SYNE2: variants seen among roughly 807,000 people sequenced by gnomAD.
The protein encoded by SYNE2 is nesprin-2.
A neutral mutation model predicts 856.3 loss-of-function variants in SYNE2; 431 were observed. The ratio of observed to expected loss-of-function variants is 0.50; its 90% CI spans 0.47 to 0.55. The LOEUF (loss-of-function observed/expected upper bound fraction) is 0.55. SYNE2 is among the 20% of genes least tolerant of loss of function. SYNE2 has a pLI of 0.00. For missense variants in SYNE2, 8,129 were observed against 8,023.2 expected (o/e 1.01, Z -0.50); for synonymous variants, 2,923 against 2,872.3 (o/e 1.02, Z -0.56).
chr14:64,221,781 C>T (rs944316091), intron 112 of SYNE2, 77 bp downstream of exon 112: 64 of 1,547,844 alleles, frequency 4.1e-5, no homozygotes, highest in Middle Eastern at 4.3e-4. Flanking sequence ...CAGGTAGCCT[C>T]GCCTAGTATT....
Position 64,152,673 on chromosome 14 carries a change from G to A in SYNE2, c.15749G>A (p.Arg5250Gln), listed in dbSNP as rs201962497. 27 of 1,614,060 alleles carry A rather than the reference G, an allele frequency of 1.7e-5. No individual in the cohort carries two copies. Among genetic ancestry groups the A allele is most frequent in the African/African-American group, 6.7e-5 (5 of 75,044 alleles). The change falls in exon 85 of 116, where the codon CGA (arginine) becomes CAA (glutamine). Residue 5250 changes from arginine to glutamine, a missense_variant. This residue lies in a region of SYNE2 where 5,410 missense variants were observed against 5,284.8 expected (regional missense o/e 1.02). Coordinates refer to ENST00000555002, the MANE Select transcript of SYNE2 (RefSeq NM_182914.3). ...CCATTGTTAGAAGATACAGCATCCC[G>A]AATTGATGAGTTATTTCAAAAGAGA... ...AVPLLEDTAS[R>Q]IDELFQKRSS...
rs1470410195 is a variant in SYNE2 at position 64,020,098 on chromosome 14, G to T, written c.5151+5G>T. The T allele has an allele frequency of 1.3e-6, 2 of 1,583,536 alleles. No homozygotes were observed. Among genetic ancestry groups the T allele is most frequent in the Admixed American group, 3.4e-5 (2 of 59,420 alleles). ...GAAATACCTCTTGAATTGCAGGTAAGAATTTTTATTTAAAAGTTTCAGTTA... is the reference window on the plus strand; with the variant it reads ...GAAATACCTCTTGAATTGCAGGTAATAATTTTTATTTAAAAGTTTCAGTTA... On this transcript the variant is annotated splice_donor_5th_base_variant and intron_variant, in intron 35 of 115. Transcript: ENST00000555002.
At chr14:64,068,303 C>T (rs764775004) in intron 51 of SYNE2, among the ~76,000 whole-genome samples, 4 of 152,142 alleles carry the variant, frequency 2.6e-5, no homozygotes, top group Non-Finnish European at 5.9e-5. Context: ...CCATAACCTC[C>T]AGCCCCTGGA....
Position 63,941,903 on chromosome 14 carries a change from A to G in SYNE2, c.256A>G (p.Asn86Asp), listed in dbSNP as rs374820855. ...TTCACAGCCTCGGGATAAAGGATCT[A>G]ATACCTTCCAGTGTAGAATCAATAT... ...GQQLPRDKGS[N>D]TFQCRINIEH... is the part of the protein sequence containing the mutation. The change falls in exon 5 of 116, where the codon AAT (asparagine) becomes GAT (aspartate). Residue 86 changes from asparagine (N) to aspartate (D), a missense_variant. Around this residue, in one of 3 missense-constraint regions of SYNE2, gnomAD observed 2,422 missense variants for 2,357.4 expected, o/e 1.03. Coordinates refer to ENST00000555002, the MANE Select transcript of SYNE2 (RefSeq NM_182914.3). 22 of 1,613,274 alleles carry G rather than the reference A, an allele frequency of 1.4e-5. No homozygotes were observed. Among genetic ancestry groups the G allele is most frequent in the Non-Finnish European group, 3.4e-6 (4 of 1,179,916 alleles).
At chr14:63,872,682 A>G (rs1454441096) in intron 1 of SYNE2, among the ~76,000 whole-genome samples, 1 of 149,676 alleles carries the variant, frequency 6.7e-6, no homozygotes, top group Non-Finnish European at 1.5e-5. Context: ...GAATCGCTTG[A>G]AACCGGGAGG....
chr14:63,982,587 A>G, intron 16 of SYNE2, 43 bp from the exon 17 acceptor site: 2 of 1,582,318 alleles, frequency 1.3e-6, no homozygotes, highest in Non-Finnish European at 8.7e-7. Context: ...TAGAAAGACA[A>G]TATCGTGTCA....
chr14:64,027,774 GTCT>G lies in SYNE2; in HGVS notation c.6701_6703del (p.Leu2234del). On this transcript the variant is annotated inframe_deletion, in exon 43 of 116. Transcript: ENST00000555002. ...CTGGAAATAAAGCATCTACACGAAA[GTCT>G]TCTTCAACAACTGCAGGTGAGGTGG... 1 of 1,614,102 alleles carries G rather than the reference GTCT, an allele frequency of 6.2e-7. No individual in the cohort carries two copies. Among genetic ancestry groups the G allele is most frequent in the Non-Finnish European group, 8.5e-7 (1 of 1,179,998 alleles).
chr14:63,950,066 C>T (rs569078907), intron 7 of SYNE2, 60 bp downstream of exon 7: 456 of 1,550,510 alleles, frequency 2.9e-4, no homozygotes, highest in Admixed American at 1.5e-4. Flanking sequence ...CCAACACCAC[C>T]TCACCACCCA....
chr14:64,132,836 A>G (rs1018923132), intron 77 of SYNE2, among the ~76,000 whole-genome samples: 1 of 152,216 alleles, frequency 6.6e-6, no homozygotes, highest in African/African-American at 2.4e-5. Context: ...ATAAGCATGC[A>G]TAAAGCTCCT....
rs547732936 is a variant in SYNE2 at position 64,067,481 on chromosome 14, A to G, written c.10431+1831A>G. Among the ~76,000 whole-genome samples, 3 of 152,338 alleles carry G rather than the reference A, an allele frequency of 2.0e-5. No individual in the cohort carries two copies. The South Asian group carries it at 6.2e-4, about 32-fold the overall frequency. The stretch of plus-strand genomic sequence containing the variant: ...TCAAATTGATATAAGATTTTAGTGT[A>G]GCTTTTATCCATTCAATAAAAAGTA... On this transcript the variant is annotated intron_variant, in intron 51 of 115. Coordinates refer to ENST00000555002, the MANE Select transcript of SYNE2 (RefSeq NM_182914.3).
intron 9 of SYNE2, among the ~76,000 whole-genome samples, chr14:63,962,129 T>G (rs1566919665): frequency 6.6e-6 from 1 of 152,078 alleles, no homozygotes; most frequent in South Asian, 2.1e-4. Flanking sequence ...CGATCTTGGC[T>G]TACAGCAACC....
At chr14:64,173,097 G>A (rs189174615) in intron 94 of SYNE2, among the ~76,000 whole-genome samples, 14 of 152,296 alleles carry the variant, frequency 9.2e-5, no homozygotes, top group Admixed American at 5.9e-4. Flanking sequence ...TGGTGAGTCC[G>A]GGTCTTAGGC....
At chr14:63,791,921 G>A (rs998690519) in intron 1 of SYNE2, among the ~76,000 whole-genome samples, 50 of 137,052 alleles carry the variant, frequency 3.6e-4, no homozygotes, top group South Asian at 2.5e-3. Flanking sequence ...TCCAGCCTGG[G>A]TGAAAGAGCG....
intron 99 of SYNE2, among the ~76,000 whole-genome samples, chr14:64,194,003 G>A (rs2098529693): frequency 6.6e-6 from 1 of 152,208 alleles, no homozygotes; most frequent in Admixed American, 6.5e-5. Context: ...TGGGTATAAA[G>A]AGGCCTGTGA....
intron 48 of SYNE2, among the ~76,000 whole-genome samples, chr14:64,054,707 C>G (rs1180787838): frequency 6.6e-6 from 1 of 152,238 alleles, no homozygotes; most frequent in Non-Finnish European, 1.5e-5. Flanking sequence ...CGCCAACACA[C>G]TCCCTTCCCT....
chr14:64,183,013 G>C (rs1258844006), intron 96 of SYNE2, among the ~76,000 whole-genome samples: 2 of 101,362 alleles, frequency 2.0e-5, no homozygotes, highest in African/African-American at 1.3e-4. Context: ...TGGCCAGGCG[G>C]GGGCTGCCCC....
At chr14:64,218,315 A>T in intron 108 of SYNE2, 83 bp from the exon 109 acceptor site, 2 of 1,259,258 alleles carry the variant, frequency 1.6e-6, no homozygotes, top group Non-Finnish European at 2.3e-6. Flanking sequence ...TCATTTCTTC[A>T]CTGTTAATAT....
At chr14:64,202,097 G>T in intron 99 of SYNE2, 1 of 681,048 alleles carries the variant, frequency 1.5e-6, no homozygotes, top group Non-Finnish European at 2.7e-6. Context: ...ACGCCGAGTT[G>T]GGCCGGATGG....
Position 63,954,872 on chromosome 14 carries a change from T to C in SYNE2, c.744T>C (p.Ile248=). 6.2e-7 allele frequency: 1 copy of C among 1,613,842 alleles called. No homozygotes were observed. Among genetic ancestry groups the C allele is most frequent in the Non-Finnish European group, 8.5e-7 (1 of 1,179,926 alleles). The change falls in exon 8 of 116, where the codon ATT becomes ATC. Residue 248 remains isoleucine, a synonymous_variant. Coordinates refer to ENST00000555002, the MANE Select transcript of SYNE2 (RefSeq NM_182914.3). ...NKDNLREAFR[I]AEQELKIPRL... ...ACAATCTGAGAGAGGCCTTCAGAAT[T>C]GCAGAACAAGAATTAAAAATCCCCA...
Sources: gnomAD v4.1 joint callset for allele counts (sites outside exome capture counted in the v4.1 genomes callset) on GRCh38, gnomAD v4.1.1 for gene constraint, gnomAD v4.1.1 regional missense constraint, MANE v1.5 for transcripts, NCBI Gene and HGNC (gene_info 2026-07-23, HGNC 2026-07-21) for gene names.